PPP3CB: variants seen among roughly 807,000 people sequenced by gnomAD.
The protein encoded by PPP3CB is protein phosphatase 3 catalytic subunit beta.
Under a neutral mutation model 66.4 loss-of-function variants are expected in PPP3CB, and 8 were observed. The observed-to-expected ratio is 0.12, with a 90% confidence interval of 0.07 to 0.22. The LOEUF (loss-of-function observed/expected upper bound fraction) is 0.22, where lower values mean the gene tolerates loss of function less well. PPP3CB is among the 10% of genes least tolerant of loss of function. The probability of loss-of-function intolerance (pLI) is 1.00; values close to 1 mark genes in which losing one functional copy is unlikely to be tolerated. For missense variants in PPP3CB, 319 were observed against 642.5 expected, an observed-to-expected ratio of 0.50 and a Z score of 5.44; for synonymous variants, 208 against 221.2, an observed-to-expected ratio of 0.94 and a Z score of 0.53.
At chr10:73,478,347 G>C (rs1290967449) in intron 3 of PPP3CB, 152 bp downstream of exon 3, 1 of 604,510 alleles carries the variant, frequency 1.7e-6, no homozygotes, top group Non-Finnish European at 2.8e-6. Context: ...TTGAAAGACA[G>C]AACAGGAATA....
intron 9 of PPP3CB, among the ~76,000 whole-genome samples, chr10:73,460,265 C>CAAAAAAAAAAAAAAAAAAAAAAAAAAA (rs11447229): frequency 2.8e-5 from 1 of 35,822 alleles, no homozygotes; most frequent in Admixed American, 3.4e-4. Flanking sequence ...AAAGTAATAG[C>CAAAAAAAAAAAAAAAAAAAAAAAAAAA]AAAAAAAAAA....
chr10:73,449,672 T>C (rs1179634967), intron 10 of PPP3CB, among the ~76,000 whole-genome samples: 1 of 152,208 alleles, frequency 6.6e-6, no homozygotes, highest in African/African-American at 2.4e-5. Flanking sequence ...AAACGGATGC[T>C]ATGTGGGTTT....
chr10:73,467,751 T>C, intron 8 of PPP3CB, 73 bp from the exon 9 acceptor site: 1 of 1,377,644 alleles, frequency 7.3e-7, no homozygotes, highest in South Asian at 1.4e-5. Flanking sequence ...AAATATAAAA[T>C]ACATAAAAGC....
chr10:73,459,116 G>C (rs112604659), intron 9 of PPP3CB, among the ~76,000 whole-genome samples: 7,099 of 152,222 alleles, frequency 0.047, 510 homozygotes, highest in African/African-American at 0.15. Flanking sequence ...TTGGAAAACA[G>C]TTTGGCAGAT....
At chr10:73,460,336 T>C (rs1401980907) in intron 9 of PPP3CB, among the ~76,000 whole-genome samples, 1 of 150,408 alleles carries the variant, frequency 6.6e-6, no homozygotes, top group Non-Finnish European at 1.5e-5. Context: ...AGAAATGTTA[T>C]TTATTTAAAG....
At chr10:73,462,140 CTTTT>C (rs1019088638) in intron 9 of PPP3CB, among the ~76,000 whole-genome samples, 5 of 94,214 alleles carry the variant, frequency 5.3e-5, no homozygotes, top group Non-Finnish European at 8.6e-5. Flanking sequence ...TAAACTCCTT[CTTTT>C]TTTTTTTTTT....
chr10:73,489,951 T>C (rs982649969), intron 1 of PPP3CB, among the ~76,000 whole-genome samples: 1 of 152,198 alleles, frequency 6.6e-6, no homozygotes, highest in Admixed American at 6.5e-5. Context: ...CAAAGTAAGA[T>C]AGCCAATCCC....
intron 4 of PPP3CB, among the ~76,000 whole-genome samples, chr10:73,474,301 A>T (rs1294763198): frequency 1.3e-5 from 2 of 152,088 alleles, no homozygotes; most frequent in Non-Finnish European, 2.9e-5. Flanking sequence ...TCGGCCTCCC[A>T]AAGTGCTGGG....
intron 11 of PPP3CB, among the ~76,000 whole-genome samples, chr10:73,445,048 TA>T (rs1832271119): frequency 6.6e-6 from 1 of 152,328 alleles, no homozygotes; most frequent in South Asian, 2.1e-4. Context: ...AAAGCTTTAT[TA>T]AATATGTGGT....
At position 73,496,004 on chromosome 10, in the gene PPP3CB, C is replaced by A; in HGVS notation, c.-115G>T. On this transcript the variant is annotated 5_prime_UTR_variant, in exon 1 of 14. Coordinates refer to ENST00000360663, the MANE Select transcript of PPP3CB (RefSeq NM_021132.4). ...GAACATGGCGGACCCTCTTTCCCTACAGAGGGGCTAAGACCGGCATGCACT... is the reference window on the plus strand; with the variant it reads ...GAACATGGCGGACCCTCTTTCCCTAAAGAGGGGCTAAGACCGGCATGCACT... 3.5e-6 allele frequency: 2 copies of A among 571,926 alleles called. No homozygotes were observed. The highest frequency in any genetic ancestry group is 5.0e-6 in the Non-Finnish European group (2 of 401,778). The allele number at this position is 571,926 out of a possible 1,614,324, so 35.4% of individuals were successfully genotyped here.
intron 10 of PPP3CB, among the ~76,000 whole-genome samples, chr10:73,452,304 C>T (rs928802019): frequency 1.1e-4 from 16 of 152,106 alleles, no homozygotes; most frequent in Non-Finnish European, 1.3e-4. Context: ...TTAAGTAAGT[C>T]GTCTGATGCC....
intron 4 of PPP3CB, 63 bp from the exon 5 acceptor site, chr10:73,471,676 CAT>C: frequency 7.8e-7 from 1 of 1,287,754 alleles, no homozygotes. Flanking sequence ...ATTTTAAAAA[CAT>C]ATATATTAGA....
At position 73,471,582 on chromosome 10, in the gene PPP3CB, T is replaced by C. The variant is rs1353772973; in HGVS notation, c.555A>G (p.Glu185=). 2 of 1,603,192 alleles carry C rather than the reference T, an allele frequency of 1.2e-6. No homozygotes were observed. The highest frequency in any genetic ancestry group is 1.7e-6 in the Non-Finnish European group (2 of 1,176,328). ...CKIKYSERVY[E]ACMEAFDSLP... ...AACTATCAAAAGCTTCCATACAAGC[T>C]TCATAGACTCTTTCCGAATACTTAA... The change falls in exon 5 of 14, where the codon GAA becomes GAG. Residue 185 remains glutamate (E), a synonymous_variant. Coordinates refer to ENST00000360663, the MANE Select transcript of PPP3CB (RefSeq NM_021132.4).
At chr10:73,440,422 T>C (rs1362962369) in intron 12 of PPP3CB, among the ~76,000 whole-genome samples, 1 of 152,204 alleles carries the variant, frequency 6.6e-6, no homozygotes, top group Non-Finnish European at 1.5e-5. Context: ...TACCTGTTAC[T>C]TGTAATTTAT....
chr10:73,470,138 T>C (rs2056679548), intron 8 of PPP3CB, among the ~76,000 whole-genome samples: 1 of 150,692 alleles, frequency 6.6e-6, no homozygotes, highest in Admixed American at 6.6e-5. Context: ...AAAAAAGCAG[T>C]AAAAATAAAG....
At chr10:73,483,522 G>A (rs940450101) in intron 1 of PPP3CB, among the ~76,000 whole-genome samples, 5 of 151,976 alleles carry the variant, frequency 3.3e-5, no homozygotes, top group African/African-American at 1.2e-4. Flanking sequence ...CAGGCATGGT[G>A]GCCGCATGCC....
intron 10 of PPP3CB, among the ~76,000 whole-genome samples, chr10:73,446,815 A>G (rs896996160): frequency 1.7e-4 from 26 of 152,224 alleles, no homozygotes; most frequent in African/African-American, 5.5e-4. Flanking sequence ...ACAAACTTTA[A>G]TATTTCACTC....
At position 73,470,714 on chromosome 10, in the gene PPP3CB, T is replaced by C. The variant is rs1327709109; in HGVS notation, c.955A>G (p.Asn319Asp). The C allele has an allele frequency of 6.3e-7, 1 of 1,594,498 alleles. No individual in the cohort carries two copies. Among genetic ancestry groups the C allele is most frequent in the Non-Finnish European group, 8.6e-7 (1 of 1,166,138 alleles). Residue 319 changes from asparagine to aspartate, a missense_variant, in exon 8 of 14, where the codon AAT (asparagine) becomes GAT (aspartate). Coordinates refer to ENST00000360663, the MANE Select transcript of PPP3CB (RefSeq NM_021132.4). ...TTATTATTGTAGACATCTAAGTAAT[T>C]AGGTGCCGAAAAAATTGTTATTAAT... is the stretch of plus-strand genomic sequence containing the variant. The part of the protein sequence containing the change: ...PSLITIFSAP[N>D]YLDVYNNKAA...
chr10:73,489,627 A>G (rs985718672), intron 1 of PPP3CB, among the ~76,000 whole-genome samples: 1 of 152,202 alleles, frequency 6.6e-6, no homozygotes, highest in Non-Finnish European at 1.5e-5. Flanking sequence ...ATTAAGTAGT[A>G]GAGCTAGGAT....
Sources: allele counts gnomAD v4.1 joint callset (sites outside exome capture counted in the v4.1 genomes callset), GRCh38; gene constraint gnomAD v4.1.1; transcripts MANE v1.5; gene names NCBI Gene and HGNC (gene_info 2026-07-23, HGNC 2026-07-21).